The following DPYD variants were observed in gnomAD, a reference collection of about 807,000 sequenced individuals.
DPYD encodes dihydropyrimidine dehydrogenase [NADP(+)].
Under a neutral mutation model 116.2 loss-of-function variants are expected in DPYD, and 109 were observed. That is an observed-to-expected ratio of 0.94 (90% CI 0.80 to 1.10). The LOEUF (loss-of-function observed/expected upper bound fraction) is 1.10, where lower values mean the gene tolerates loss of function less well. Among genes scored for constraint, DPYD ranks in the 50% least tolerant of loss-of-function variants. The pLI is 0.00. For synonymous variants in DPYD, 440 were observed against 432.0 expected, an observed-to-expected ratio of 1.02 and a Z score of -0.23; for missense variants, 1,302 against 1,254.5, an observed-to-expected ratio of 1.04 and a Z score of -0.57.
At chr1:97,330,732 A>G (rs559965952) in intron 16 of DPYD, among the ~76,000 whole-genome samples, 1 of 152,292 alleles carries the variant, frequency 6.6e-6, no homozygotes, top group South Asian at 2.1e-4. Context: ...TTAACTCCGT[A>G]TATTCTATAA....
chr1:97,156,421 A>G (rs1039348295), intron 20 of DPYD, among the ~76,000 whole-genome samples: 1 of 152,090 alleles, frequency 6.6e-6, no homozygotes, highest in East Asian at 1.9e-4. Context: ...AATTTACAAG[A>G]AAAAAACAAA....
At chr1:97,283,234 C>T (rs939339919) in intron 18 of DPYD, among the ~76,000 whole-genome samples, 2 of 151,980 alleles carry the variant, frequency 1.3e-5, no homozygotes, top group African/African-American at 4.8e-5. Context: ...AATAAAACAT[C>T]TTTTGTTTCC....
In DPYD at chr1:97,832,045, T is replaced by TTTTGTGTGTG. The variant is rs373676873; in HGVS notation, c.151-3850_151-3849insCACACACAAA. Among the ~76,000 whole-genome samples the TTTTGTGTGTG allele has an allele frequency of 1.6e-4, 22 of 134,014 alleles. No individual in the cohort carries two copies. In the East Asian group the frequency reaches 3.8e-3, roughly 23 times the overall value. 87.9% of individuals were successfully genotyped at this position (134,014 alleles called of 152,430 possible). ...CATTATAGCTTTAATATATAATGTA[T>TTTTGTGTGTG]TGTGTGTGTGTGTGTGTGTGTGTGT... On this transcript the variant is annotated intron_variant, in intron 2 of 22. Transcript: ENST00000370192.
intron 14 of DPYD, among the ~76,000 whole-genome samples, chr1:97,408,876 A>G (rs990544034): frequency 6.6e-6 from 1 of 152,138 alleles, no homozygotes; most frequent in Non-Finnish European, 1.5e-5. Flanking sequence ...ATCAGACTCC[A>G]AATTCTTCAG....
intron 12 of DPYD, among the ~76,000 whole-genome samples, chr1:97,528,475 G>A (rs569416532): frequency 6.6e-6 from 1 of 152,008 alleles, no homozygotes; most frequent in Non-Finnish European, 1.5e-5. Context: ...TCTGGACTCT[G>A]AAAATTAAAT....
At chr1:97,687,923 A>G (rs1301254461) in intron 7 of DPYD, among the ~76,000 whole-genome samples, 1 of 152,184 alleles carries the variant, frequency 6.6e-6, no homozygotes, top group East Asian at 1.9e-4. Flanking sequence ...GAAGCTGAAC[A>G]ATGAGAATAC....
intron 20 of DPYD, among the ~76,000 whole-genome samples, chr1:97,170,963 G>A (rs1210222836): frequency 2.0e-5 from 3 of 152,112 alleles, no homozygotes; most frequent in Non-Finnish European, 4.4e-5. Flanking sequence ...ATGAGCCACC[G>A]TGCATGGCCT....
At chr1:97,146,931 T>C (rs578182337) in intron 20 of DPYD, among the ~76,000 whole-genome samples, 50 of 152,088 alleles carry the variant, frequency 3.3e-4, no homozygotes, top group Non-Finnish European at 6.3e-4. Context: ...GCAAGGAAAA[T>C]AAAGAGTCAG....
At chr1:97,621,116 C>T (rs1034720243) in intron 8 of DPYD, among the ~76,000 whole-genome samples, 8 of 152,086 alleles carry the variant, frequency 5.3e-5, no homozygotes, top group African/African-American at 1.9e-4. Flanking sequence ...ATTTTGGAGA[C>T]TCATCAATAG....
intron 18 of DPYD, among the ~76,000 whole-genome samples, chr1:97,288,886 A>C (rs1249937853): frequency 6.6e-6 from 1 of 152,116 alleles, no homozygotes; most frequent in Non-Finnish European, 1.5e-5. Context: ...CAAAAAATTA[A>C]TGAATCCAGG....
chr1:97,755,684 T>C (rs900063933), intron 3 of DPYD, among the ~76,000 whole-genome samples: 1 of 152,220 alleles, frequency 6.6e-6, no homozygotes, highest in Non-Finnish European at 1.5e-5. Flanking sequence ...TATGGTTTAA[T>C]GGATTCTGGA....
chr1:97,904,152 T>C (rs1673495817), intron 1 of DPYD, among the ~76,000 whole-genome samples: 1 of 151,986 alleles, frequency 6.6e-6, no homozygotes, highest in Non-Finnish European at 1.5e-5. Context: ...ATCATATCAC[T>C]GGGAGGAATA....
chr1:97,865,083 T>C (rs1280547476), intron 2 of DPYD, among the ~76,000 whole-genome samples: 1 of 152,046 alleles, frequency 6.6e-6, no homozygotes, highest in Non-Finnish European at 1.5e-5. Context: ...CTGCCTTGTA[T>C]GTGTCTGCTT....
At chr1:97,284,970 T>C (rs6593640) in intron 18 of DPYD, among the ~76,000 whole-genome samples, 90,353 of 151,964 alleles carry the variant, frequency 0.59, 27,096 homozygotes, top group South Asian at 0.71. Context: ...GCTTTTTCTG[T>C]CTGCTTGTTT....
chr1:97,484,530 G>A (rs1340556042), intron 13 of DPYD, among the ~76,000 whole-genome samples: 1 of 152,094 alleles, frequency 6.6e-6, no homozygotes, highest in Non-Finnish European at 1.5e-5. Context: ...TGGCCACCAT[G>A]TTCTTCATTT....
chr1:97,104,848 C>T (rs187089387), intron 20 of DPYD, among the ~76,000 whole-genome samples: 24 of 152,162 alleles, frequency 1.6e-4, no homozygotes, highest in South Asian at 4.1e-4. Context: ...GAAGTCGGAT[C>T]ATGAATTAGG....
intron 1 of DPYD, among the ~76,000 whole-genome samples, chr1:97,919,319 G>A (rs984944725): frequency 7.2e-5 from 11 of 152,208 alleles, no homozygotes; most frequent in South Asian, 2.1e-4. Context: ...AGTGGAGGGA[G>A]TGGGAAGGAT....
chr1:97,313,399 A>C (rs1667628245), intron 16 of DPYD, among the ~76,000 whole-genome samples: 1 of 151,924 alleles, frequency 6.6e-6, no homozygotes, highest in Non-Finnish European at 1.5e-5. Context: ...ATAAAGCAAA[A>C]TACTTTACAA....
intron 13 of DPYD, among the ~76,000 whole-genome samples, chr1:97,485,132 C>T (rs914813577): frequency 6.6e-6 from 1 of 152,116 alleles, no homozygotes; most frequent in African/African-American, 2.4e-5. Flanking sequence ...TCTGGACAGT[C>T]TCAGCTAACT....
Sources: gnomAD v4.1 joint callset for allele counts (sites outside exome capture counted in the v4.1 genomes callset) on GRCh38, gnomAD v4.1.1 for gene constraint, MANE v1.5 for transcripts, NCBI Gene and HGNC (gene_info 2026-07-23, HGNC 2026-07-21) for gene names.